MSRA: variants seen among roughly 807,000 people sequenced by gnomAD.
The protein encoded by MSRA is mitochondrial peptide methionine sulfoxide reductase.
In MSRA, 54 loss-of-function variants were observed where a neutral mutation model predicts 31.3. That is an observed-to-expected ratio of 1.73 (90% CI 1.39 to 2.17). The LOEUF (loss-of-function observed/expected upper bound fraction) is 2.17. Ranked by LOEUF, MSRA falls within the 30% of genes most tolerant of loss-of-function variation. The pLI is 0.00. For synonymous variants in MSRA, 169 were observed against 116.5 expected, an observed-to-expected ratio of 1.45 and a Z score of -2.90; for missense variants, 507 against 300.9, an observed-to-expected ratio of 1.69 and a Z score of -5.07.
At chr8:10,375,247 G>T (rs1436270725) in intron 5 of MSRA, among the ~76,000 whole-genome samples, 1 of 152,096 alleles carries the variant, frequency 6.6e-6, no homozygotes, top group Non-Finnish European at 1.5e-5. Flanking sequence ...AACATTTAGG[G>T]AGAAACAAGG....
At chr8:10,331,480 C>G (rs1802697014) in intron 5 of MSRA, among the ~76,000 whole-genome samples, 1 of 152,220 alleles carries the variant, frequency 6.6e-6, no homozygotes, top group Admixed American at 6.5e-5. Context: ...AGGGCAGGAT[C>G]TGTTCTCTGA....
At chr8:10,294,203 C>CTAAA (rs951673507) in intron 3 of MSRA, among the ~76,000 whole-genome samples, 1 of 152,036 alleles carries the variant, frequency 6.6e-6, no homozygotes, top group African/African-American at 2.4e-5. Context: ...TCCTCTATCT[C>CTAAA]TAAATAAATA....
At chr8:10,166,781 G>A (rs1489142438) in intron 1 of MSRA, among the ~76,000 whole-genome samples, 1 of 152,066 alleles carries the variant, frequency 6.6e-6, no homozygotes, top group Non-Finnish European at 1.5e-5. Flanking sequence ...CCATTTCTAG[G>A]TGTGTGGCCT....
intron 3 of MSRA, among the ~76,000 whole-genome samples, chr8:10,272,839 A>G (rs527965796): frequency 6.6e-6 from 1 of 152,230 alleles, no homozygotes; most frequent in Admixed American, 6.5e-5. Flanking sequence ...GACCTGGCAT[A>G]AAACAGGTAT....
intron 5 of MSRA, among the ~76,000 whole-genome samples, chr8:10,343,054 G>GACAC (rs1202875145): frequency 0.044 from 3,083 of 70,612 alleles, 51 homozygotes; most frequent in Non-Finnish European, 0.061. Flanking sequence ...CACACACACA[G>GACAC]ACACACACAC....
intron 1 of MSRA, among the ~76,000 whole-genome samples, chr8:10,091,615 T>C (rs1355505532): frequency 6.6e-6 from 1 of 152,034 alleles, no homozygotes; most frequent in Non-Finnish European, 1.5e-5. Flanking sequence ...TAGTTTTTTT[T>C]TTTTTTTTGA....
chr8:10,420,695 C>A (rs1402347066), intron 5 of MSRA, among the ~76,000 whole-genome samples: 1 of 151,984 alleles, frequency 6.6e-6, no homozygotes, highest in Non-Finnish European at 1.5e-5. Flanking sequence ...TGTACAAGTG[C>A]TTTTCATGCC....
chr8:10,195,945 A>T (rs1355273824), intron 1 of MSRA, among the ~76,000 whole-genome samples: 1 of 152,214 alleles, frequency 6.6e-6, no homozygotes, highest in African/African-American at 2.4e-5. Flanking sequence ...GCAGTGTTCA[A>T]GGGTGAAAGG....
At chr8:10,106,343 T>C (rs917957478) in intron 1 of MSRA, among the ~76,000 whole-genome samples, 1 of 152,218 alleles carries the variant, frequency 6.6e-6, no homozygotes, top group African/African-American at 2.4e-5. Flanking sequence ...GTCCTCTCAT[T>C]GGCTAGCTTT....
chr8:10,170,942 A>G (rs1278459992), intron 1 of MSRA, among the ~76,000 whole-genome samples: 1 of 152,220 alleles, frequency 6.6e-6, no homozygotes, highest in East Asian at 1.9e-4. Flanking sequence ...TGTGCTAGCT[A>G]GGCTCTCCAG....
At chr8:10,236,403 T>C (rs1424849239) in intron 2 of MSRA, among the ~76,000 whole-genome samples, 1 of 152,198 alleles carries the variant, frequency 6.6e-6, no homozygotes, top group African/African-American at 2.4e-5. Context: ...CTCTACTCTT[T>C]CTGGCTGTAT....
chr8:10,249,376 C>T (rs1332513459), intron 3 of MSRA, among the ~76,000 whole-genome samples: 1 of 152,208 alleles, frequency 6.6e-6, no homozygotes, highest in African/African-American at 2.4e-5. Context: ...ATGACAAAAA[C>T]AGAGTTTTGG....
At chr8:10,265,483 A>G (rs975045749) in intron 3 of MSRA, among the ~76,000 whole-genome samples, 8 of 152,204 alleles carry the variant, frequency 5.3e-5, no homozygotes, top group Non-Finnish European at 8.8e-5. Flanking sequence ...CTCCCAGGGT[A>G]GGAAATAGAA....
intron 3 of MSRA, among the ~76,000 whole-genome samples, chr8:10,288,283 T>C (rs1223341312): frequency 6.6e-6 from 1 of 152,196 alleles, no homozygotes; most frequent in East Asian, 1.9e-4. Flanking sequence ...TATATACCAC[T>C]AGTTACTGTG....
At chr8:10,298,697 A>T (rs563026387) in intron 3 of MSRA, among the ~76,000 whole-genome samples, 1 of 152,344 alleles carries the variant, frequency 6.6e-6, no homozygotes, top group African/African-American at 2.4e-5. Context: ...TCACTAAATC[A>T]TAAAGTAACA....
intron 1 of MSRA, among the ~76,000 whole-genome samples, chr8:10,147,095 G>A (rs1803209802): frequency 2.0e-5 from 3 of 152,190 alleles, no homozygotes; most frequent in Admixed American, 2.0e-4. Flanking sequence ...GGTGACAAAT[G>A]TAAGGGACAC....
At chr8:10,088,540 G>A (rs1798685791) in intron 1 of MSRA, among the ~76,000 whole-genome samples, 1 of 152,160 alleles carries the variant, frequency 6.6e-6, no homozygotes, top group African/African-American at 2.4e-5. Flanking sequence ...TTCGAGACCA[G>A]CCCAGCCAAC....
At chr8:10,413,359 A>G (rs975509684) in intron 5 of MSRA, among the ~76,000 whole-genome samples, 3 of 152,248 alleles carry the variant, frequency 2.0e-5, no homozygotes, top group Admixed American at 1.3e-4. Context: ...CTGAAAGAGA[A>G]GACAGACTTT....
intron 1 of MSRA, among the ~76,000 whole-genome samples, chr8:10,116,697 C>A (rs961942846): frequency 1.3e-5 from 2 of 151,732 alleles, no homozygotes; most frequent in Non-Finnish European, 2.9e-5. Flanking sequence ...TTTGAGATTA[C>A]AGGCTCATGC....
Sources: gnomAD v4.1 joint callset for allele counts (sites outside exome capture counted in the v4.1 genomes callset) on GRCh38, gnomAD v4.1.1 for gene constraint, MANE v1.5 for transcripts, NCBI Gene and HGNC (gene_info 2026-07-23, HGNC 2026-07-21) for gene names.